Variants in CNTNAP2 observed in about 807,000 individuals in gnomAD.
The protein encoded by CNTNAP2 is contactin-associated protein-like 2.
A neutral mutation model predicts 155.2 loss-of-function variants in CNTNAP2; 98 were observed. The observed-to-expected ratio is 0.63, with a 90% CI of 0.54 to 0.75. CNTNAP2 has a LOEUF of 0.75. Ranked by LOEUF, CNTNAP2 falls within the 30% of genes least tolerant of loss-of-function variation. The pLI, the probability that CNTNAP2 is intolerant of heterozygous loss-of-function variation, is 0.00. For missense variants in CNTNAP2, 1,727 were observed against 1,688.1 expected, an observed-to-expected ratio of 1.02 and a Z score of -0.40; for synonymous variants, 651 against 631.2, an observed-to-expected ratio of 1.03 and a Z score of -0.47.
At chr7:147,837,855 C>T (rs1798658790) in intron 13 of CNTNAP2, among the ~76,000 whole-genome samples, 1 of 152,218 alleles carries the variant, frequency 6.6e-6, no homozygotes, top group Non-Finnish European at 1.5e-5. Context: ...TTGGGCAGCT[C>T]TGTCCCTGTG....
chr7:146,793,649 C>T (rs990740599), intron 2 of CNTNAP2, among the ~76,000 whole-genome samples: 6 of 152,226 alleles, frequency 3.9e-5, no homozygotes, highest in Non-Finnish European at 8.8e-5. Flanking sequence ...ATTGGAAAAC[C>T]TTCAGCAAAA....
intron 8 of CNTNAP2, among the ~76,000 whole-genome samples, chr7:147,294,529 A>AT (rs1347145640): frequency 1.3e-5 from 2 of 152,116 alleles, no homozygotes; most frequent in East Asian, 3.9e-4. Flanking sequence ...GCTAAGATGC[A>AT]TTTTTTAGTT....
intron 13 of CNTNAP2, among the ~76,000 whole-genome samples, chr7:147,656,441 C>T (rs971597603): frequency 1.3e-5 from 2 of 152,068 alleles, no homozygotes; most frequent in Admixed American, 6.6e-5. Flanking sequence ...TTCTTTCACT[C>T]GAATACTTAG....
chr7:146,395,200 A>G (rs1795602314), intron 1 of CNTNAP2, among the ~76,000 whole-genome samples: 1 of 152,176 alleles, frequency 6.6e-6, no homozygotes, highest in Non-Finnish European at 1.5e-5. Context: ...GTGCTGCGGT[A>G]AACATATGAG....
chr7:146,810,440 A>ATTCCT (rs1803044686), intron 2 of CNTNAP2, among the ~76,000 whole-genome samples: 1 of 150,876 alleles, frequency 6.6e-6, no homozygotes, highest in African/African-American at 2.4e-5. Flanking sequence ...TTTATTGTTT[A>ATTCCT]GATGCTATTA....
At chr7:146,622,261 ATCTATCTATCTATCTATC>A (rs1340999151) in intron 1 of CNTNAP2, among the ~76,000 whole-genome samples, 1,740 of 137,416 alleles carry the variant, frequency 0.013, 29 homozygotes, top group African/African-American at 0.046. Flanking sequence ...CTATCTATCT[ATCTATCTATCTATCTATC>A]TATATATATA....
chr7:146,337,322 C>T (rs1358246365), intron 1 of CNTNAP2, among the ~76,000 whole-genome samples: 4 of 149,726 alleles, frequency 2.7e-5, no homozygotes, highest in Admixed American at 6.6e-5. Flanking sequence ...AAACAAACTA[C>T]GTAAAGAGTG....
chr7:147,662,116 C>T lies in CNTNAP2; in HGVS notation c.2098+22810C>T, dbSNP rs17327511. Among the ~76,000 whole-genome samples, 1,039 of 152,256 alleles carry T rather than the reference C, an allele frequency of 6.8e-3. 12 individuals carry two copies. Among genetic ancestry groups the T allele is most frequent in the Non-Finnish European group, 9.5e-3 (649 of 68,032 alleles). ...TTTAATACCACTTTTTAACTTATTTCCTATAATACCAAGATGGCACACATA... is the reference window on the plus strand; with the variant it reads ...TTTAATACCACTTTTTAACTTATTTTCTATAATACCAAGATGGCACACATA... On this transcript the variant is annotated intron_variant, in intron 13 of 23. Coordinates refer to ENST00000361727, the MANE Select transcript of CNTNAP2 (RefSeq NM_014141.6).
In CNTNAP2 at chr7:147,720,822, C is replaced by T. The variant is rs540134134; in HGVS notation, c.2098+81516C>T. Among the ~76,000 whole-genome samples, 3 of 152,082 alleles carry T rather than the reference C, an allele frequency of 2.0e-5. No homozygotes were observed. The South Asian group carries it at 6.2e-4, about 32-fold the overall frequency. ...TAAACCTCTTTCCTTTATAAATTATCAGTGTCAGGCAGTTATTTATAGCAG... is the reference window on the plus strand; with the variant it reads ...TAAACCTCTTTCCTTTATAAATTATTAGTGTCAGGCAGTTATTTATAGCAG... On this transcript the variant is annotated intron_variant, in intron 13 of 23. Transcript: ENST00000361727.
intron 1 of CNTNAP2, among the ~76,000 whole-genome samples, chr7:146,486,046 CTTTTTTTTTTTTTTTTTTTTTTTT>C (rs71175651): frequency 0.022 from 924 of 42,626 alleles, 30 homozygotes; most frequent in African/African-American, 0.07. Context: ...CCACAGCAGT[CTTTTTTTTTTTTTTTTTTTTTTTT>C]TTTTTTTTTT....
intron 1 of CNTNAP2, among the ~76,000 whole-genome samples, chr7:146,502,211 G>A (rs568561429): frequency 2.8e-5 from 3 of 105,626 alleles, no homozygotes; most frequent in Admixed American, 1.0e-4. Context: ...TCCATTGTGT[G>A]TGTATATATA....
At position 148,336,459 on chromosome 7, in the gene CNTNAP2, G is replaced by A. The variant is rs193186820; in HGVS notation, c.3476-47190G>A. ...TGGTCTTTTAAAAAAAAAAAGTTTC[G>A]GTTGCTTTTAAAAAGAGATTTCCAG... On this transcript the variant is annotated intron_variant, in intron 21 of 23. Coordinates refer to ENST00000361727, the MANE Select transcript of CNTNAP2 (RefSeq NM_014141.6). Among the ~76,000 whole-genome samples the A allele has an allele frequency of 1.8e-3, 275 of 149,454 alleles. 1 individual carries two copies. Among genetic ancestry groups the A allele is most frequent in the African/African-American group, 6.2e-3 (251 of 40,316 alleles).
intron 16 of CNTNAP2, 77 bp from the exon 17 acceptor site, chr7:148,147,414 T>C: frequency 7.1e-7 from 1 of 1,412,452 alleles, no homozygotes; most frequent in South Asian, 1.2e-5. Context: ...CCCTGCTTTG[T>C]TTGTCGTCTA....
intron 10 of CNTNAP2, among the ~76,000 whole-genome samples, chr7:147,440,228 T>C (rs1412323896): frequency 6.6e-6 from 1 of 152,060 alleles, no homozygotes; most frequent in Non-Finnish European, 1.5e-5. Context: ...TCTGTGTATC[T>C]GTTGTGTGTT....
intron 20 of CNTNAP2, among the ~76,000 whole-genome samples, chr7:148,239,777 C>T (rs1796112004): frequency 6.6e-6 from 1 of 152,176 alleles, no homozygotes; most frequent in Non-Finnish European, 1.5e-5. Flanking sequence ...CACCTCCACA[C>T]TGAGAGGTCT....
intron 13 of CNTNAP2, among the ~76,000 whole-genome samples, chr7:147,682,318 A>G (rs1209616348): frequency 6.6e-6 from 1 of 151,954 alleles, no homozygotes; most frequent in South Asian, 2.1e-4. Context: ...CCTAAAATAT[A>G]TTCCCTAGCA....
intron 13 of CNTNAP2, among the ~76,000 whole-genome samples, chr7:147,833,357 A>T (rs12531111): frequency 0.086 from 13,118 of 152,206 alleles, 782 homozygotes; most frequent in Admixed American, 0.16. Context: ...CCGAGCTTCA[A>T]CCATAAAATA....
chr7:147,688,119 CCTCT>C (rs767114748), intron 13 of CNTNAP2, among the ~76,000 whole-genome samples: 1 of 151,728 alleles, frequency 6.6e-6, no homozygotes, highest in Non-Finnish European at 1.5e-5. Context: ...TTTTTCTATT[CCTCT>C]CTCTCTCTCT....
At chr7:146,683,070 G>C (rs1341872722) in intron 1 of CNTNAP2, among the ~76,000 whole-genome samples, 1 of 151,756 alleles carries the variant, frequency 6.6e-6, no homozygotes, top group East Asian at 1.9e-4. Context: ...GTCTCTCTCT[G>C]ACACTGAGGC....
Sources: gnomAD v4.1 joint callset for allele counts (sites outside exome capture counted in the v4.1 genomes callset) on GRCh38, gnomAD v4.1.1 for gene constraint, MANE v1.5 for transcripts, NCBI Gene and HGNC (gene_info 2026-07-23, HGNC 2026-07-21) for gene names.